The following PAM variants were observed in gnomAD, a reference collection of about 807,000 sequenced individuals.
The protein encoded by PAM is peptidylglycine alpha-amidating monooxygenase.
Under a neutral mutation model 122.1 loss-of-function variants are expected in PAM, and 72 were observed. The ratio of observed to expected loss-of-function variants is 0.59; its 90% confidence interval spans 0.49 to 0.72. The LOEUF is 0.72. Ranked by LOEUF, PAM falls within the 30% of genes least tolerant of loss-of-function variation. The probability of loss-of-function intolerance (pLI) is 0.00; values close to 1 mark genes in which losing one functional copy is unlikely to be tolerated. For synonymous variants in PAM, 389 were observed against 404.4 expected (o/e 0.96, Z 0.46); for missense variants, 1,106 against 1,183.7 (o/e 0.93, Z 0.96).
At chr5:102,816,901 C>T (rs897811448) in intron 1 of PAM, among the ~76,000 whole-genome samples, 5 of 152,046 alleles carry the variant, frequency 3.3e-5, no homozygotes, top group African/African-American at 1.2e-4. Context: ...CAATATATTT[C>T]TGCTTGGGGT....
At chr5:102,931,828 C>G (rs1267176865) in intron 7 of PAM, among the ~76,000 whole-genome samples, 1 of 151,964 alleles carries the variant, frequency 6.6e-6, no homozygotes, top group African/African-American at 2.4e-5. Flanking sequence ...CTCTCTCTCT[C>G]TCTCTGTCTC....
chr5:103,002,554 A>G (rs555622918), intron 16 of PAM, among the ~76,000 whole-genome samples: 115 of 152,312 alleles, frequency 7.6e-4, no homozygotes, highest in Non-Finnish European at 1.5e-3. Context: ...CTAAAGTATA[A>G]TAACGAACAT....
chr5:102,872,953 A>C (rs1370525834), intron 3 of PAM, among the ~76,000 whole-genome samples: 1 of 152,152 alleles, frequency 6.6e-6, no homozygotes, highest in Non-Finnish European at 1.5e-5. Context: ...GGATTTAAAA[A>C]CTACCTACAG....
intron 23 of PAM, among the ~76,000 whole-genome samples, chr5:103,022,080 A>G (rs564646892): frequency 2.6e-5 from 4 of 152,048 alleles, no homozygotes; most frequent in Non-Finnish European, 4.4e-5. Context: ...ATATCTCACC[A>G]AAGCATAGCT....
At chr5:102,832,881 T>G (rs1394075372) in intron 1 of PAM, among the ~76,000 whole-genome samples, 1 of 152,150 alleles carries the variant, frequency 6.6e-6, no homozygotes. Context: ...CAGTCCTGGT[T>G]TGAAATCTTT....
At chr5:102,909,487 T>C (rs981458487) in intron 4 of PAM, among the ~76,000 whole-genome samples, 19 of 151,890 alleles carry the variant, frequency 1.3e-4, no homozygotes, top group African/African-American at 4.6e-4. Context: ...ACTCAAACTA[T>C]GCTCACATAA....
chr5:103,023,505 CAA>C (rs55641270), intron 23 of PAM, among the ~76,000 whole-genome samples: 27 of 115,806 alleles, frequency 2.3e-4, no homozygotes, highest in Admixed American at 5.9e-4. Context: ...CTATAGCAAC[CAA>C]AAAAAAAAAA....
chr5:102,981,456 A>G (rs1769837570), intron 15 of PAM, among the ~76,000 whole-genome samples: 1 of 152,204 alleles, frequency 6.6e-6, no homozygotes, highest in Admixed American at 6.5e-5. Flanking sequence ...GCATTCTGCT[A>G]TGGGTGAAAA....
At chr5:102,927,695 T>C (rs1750070144) in intron 7 of PAM, among the ~76,000 whole-genome samples, 1 of 151,558 alleles carries the variant, frequency 6.6e-6, no homozygotes, top group Non-Finnish European at 1.5e-5. Flanking sequence ...GTTGAAAGAA[T>C]GATTTTATGT....
chr5:102,761,913 T>G (rs2031726514), intron 1 of PAM, among the ~76,000 whole-genome samples: 1 of 152,214 alleles, frequency 6.6e-6, no homozygotes, highest in Admixed American at 6.5e-5. Flanking sequence ...CAAATCCTTA[T>G]TTTCATAGAC....
rs572943760 is a variant in PAM, at chr5:102,788,720, A to G, written c.-374+33372A>G. On this transcript the variant is annotated intron_variant, in intron 1 of 25. Coordinates refer to ENST00000438793, the MANE Select transcript of PAM (RefSeq NM_001177306.2). ...GATTTTTGATGATATGAAGTTAAAT[A>G]TTATGCTGGAGGAGGGTCATACTTT... Among the ~76,000 whole-genome samples the G allele has an allele frequency of 7.2e-5, 11 of 152,240 alleles. No individual in the cohort carries two copies. In the East Asian group the frequency reaches 1.9e-3, roughly 27 times the overall value.
intron 15 of PAM, chr5:102,974,650 C>A (rs946786172): frequency 2.5e-6 from 1 of 404,068 alleles, no homozygotes; most frequent in Non-Finnish European, 4.4e-6. Flanking sequence ...AATTTAGTGT[C>A]TGTTCTATTG....
intron 1 of PAM, among the ~76,000 whole-genome samples, chr5:102,864,370 A>G (rs1050404057): frequency 2.6e-5 from 4 of 152,058 alleles, no homozygotes; most frequent in African/African-American, 9.7e-5. Context: ...GAAAGCCCAA[A>G]CAGCAAGCCA....
At chr5:102,864,184 ATTTT>A (rs201056087) in intron 1 of PAM, among the ~76,000 whole-genome samples, 126 of 133,680 alleles carry the variant, frequency 9.4e-4, no homozygotes, top group African/African-American at 2.6e-3. Flanking sequence ...ATATATATAT[ATTTT>A]TTTTTTTTTT....
intron 3 of PAM, among the ~76,000 whole-genome samples, chr5:102,896,459 G>A (rs1462040412): frequency 6.6e-6 from 1 of 151,664 alleles, no homozygotes; most frequent in Non-Finnish European, 1.5e-5. Flanking sequence ...AAAAGAAGTA[G>A]ATAAGTGCAA....
intron 1 of PAM, among the ~76,000 whole-genome samples, chr5:102,780,879 A>G (rs1758769865): frequency 9.0e-6 from 1 of 110,540 alleles, no homozygotes; most frequent in South Asian, 2.8e-4. Flanking sequence ...TTCTCCTTTC[A>G]TATTTTGGGT....
chr5:102,803,913 G>A (rs138243893), intron 1 of PAM, among the ~76,000 whole-genome samples: 2,080 of 152,258 alleles, frequency 0.014, 17 homozygotes, highest in Middle Eastern at 0.02. Flanking sequence ...TGTTTTAAGT[G>A]CAGTTCTCAA....
intron 1 of PAM, among the ~76,000 whole-genome samples, chr5:102,849,278 C>G (rs187825252): frequency 1.3e-5 from 2 of 152,044 alleles, no homozygotes; most frequent in Non-Finnish European, 2.9e-5. Flanking sequence ...AAAAGGTGGC[C>G]GGACGCGGTG....
intron 7 of PAM, among the ~76,000 whole-genome samples, chr5:102,935,521 T>C (rs886285612): frequency 2.0e-5 from 3 of 152,140 alleles, no homozygotes; most frequent in African/African-American, 7.2e-5. Context: ...TAGGTAACCA[T>C]GTATTGCTAC....
Sources: gnomAD v4.1 joint callset for allele counts (sites outside exome capture counted in the v4.1 genomes callset) on GRCh38, gnomAD v4.1.1 for gene constraint, MANE v1.5 for transcripts, NCBI Gene and HGNC (gene_info 2026-07-23, HGNC 2026-07-21) for gene names.